PDZD2: variants seen among roughly 807,000 people sequenced by gnomAD.
PDZD2 encodes the protein PDZ domain-containing protein 2.
Under a neutral mutation model 220.7 loss-of-function variants are expected in PDZD2, and 90 were observed. That is an observed-to-expected ratio of 0.41 (90% CI 0.34 to 0.49). PDZD2 has a LOEUF of 0.49. PDZD2 is among the 20% of genes least tolerant of loss of function. PDZD2 has a pLI of 0.28. For missense variants in PDZD2, 3,174 were observed against 3,608.5 expected, an observed-to-expected ratio of 0.88 and a Z score of 3.08; for synonymous variants, 1,375 against 1,450.5, an observed-to-expected ratio of 0.95 and a Z score of 1.18.
At chr5:32,045,588 GTT>G in intron 7 of PDZD2, among the ~76,000 whole-genome samples, 1 of 140,082 alleles carries the variant, frequency 7.1e-6, no homozygotes, top group East Asian at 2.1e-4. Context: ...ACGCCCAGCT[GTT>G]TTTTTTTTTT....
At chr5:31,875,118 T>C (rs1251465724) in intron 2 of PDZD2, among the ~76,000 whole-genome samples, 1 of 152,236 alleles carries the variant, frequency 6.6e-6, no homozygotes. Context: ...GCCATGTCCA[T>C]GGAGTCATTC....
chr5:32,107,708 TAG>T (rs1169510244), intron 24 of PDZD2, among the ~76,000 whole-genome samples: 3 of 152,230 alleles, frequency 2.0e-5, no homozygotes, highest in African/African-American at 7.2e-5. Flanking sequence ...ATTAAATACA[TAG>T]AGAGTATCTT....
intron 1 of PDZD2, among the ~76,000 whole-genome samples, chr5:31,781,141 C>T (rs1172846246): frequency 2.0e-5 from 3 of 152,154 alleles, no homozygotes; most frequent in African/African-American, 7.2e-5. Flanking sequence ...AGGCTGAGCC[C>T]AGTGGCTCAC....
chr5:32,003,513 C>T (rs1418157763), intron 5 of PDZD2, among the ~76,000 whole-genome samples: 2 of 142,888 alleles, frequency 1.4e-5, no homozygotes, highest in African/African-American at 5.3e-5. Context: ...ACAAACACCA[C>T]ACATACACAC....
At chr5:31,698,333 C>T (rs1335421284) in intron 1 of PDZD2, among the ~76,000 whole-genome samples, 3 of 150,552 alleles carry the variant, frequency 2.0e-5, no homozygotes, top group Non-Finnish European at 4.4e-5. Flanking sequence ...CGGTGGCTCA[C>T]GCCTGTAATC....
Position 32,043,739 on chromosome 5 carries a change from C to T in PDZD2, c.1520-4800C>T, listed in dbSNP as rs186001427. ...GCCTCCCAGGTACAAGTGATTCTCGCGCCTCAGCCTCTTGAGTAGCTGAGA... is the reference window on the plus strand; with the variant it reads ...GCCTCCCAGGTACAAGTGATTCTCGTGCCTCAGCCTCTTGAGTAGCTGAGA... On this transcript the variant is annotated intron_variant, in intron 7 of 24. Transcript: ENST00000438447. Among the ~76,000 whole-genome samples the T allele has an allele frequency of 1.1e-3, 169 of 152,074 alleles. 2 individuals are homozygous for T. The East Asian group carries it at 0.019, about 18-fold the overall frequency.
intron 1 of PDZD2, among the ~76,000 whole-genome samples, chr5:31,796,911 TTTTG>T (rs1429646222): frequency 6.7e-6 from 1 of 150,212 alleles, no homozygotes; most frequent in Admixed American, 6.6e-5. Flanking sequence ...ACGGGGTTTT[TTTTG>T]TTTGTTTTTT....
chr5:31,983,714 T>C, intron 3 of PDZD2, 58 bp downstream of exon 3: 1 of 1,525,552 alleles, frequency 6.6e-7, no homozygotes, highest in Non-Finnish European at 8.9e-7. Flanking sequence ...GTTTGTTTGT[T>C]TTTGCAGCCC....
In PDZD2 at chr5:31,762,272, T is replaced by TTTG. The variant is rs549890419; in HGVS notation, c.-360-36593_-360-36591dup. 9.3e-3 allele frequency among the ~76,000 whole-genome samples: 1,420 copies of TTTG among 152,034 alleles called. 12 individuals are homozygous for TTTG. The highest frequency in any genetic ancestry group is 0.018 in the South Asian group (87 of 4,810). ...GCTGAGATACGGGCACTTGGTTTTG[T>TTTG]TTGTTGTTGTTGTTGTTGTTGTTGT... On this transcript the variant is annotated intron_variant, in intron 1 of 24. Transcript: ENST00000438447.
intron 18 of PDZD2, 45 bp downstream of exon 18, chr5:32,074,688 A>G (rs184853721): frequency 7.8e-7 from 1 of 1,285,478 alleles, no homozygotes; most frequent in East Asian, 2.4e-5. Context: ...GTGCATGAAT[A>G]TGTGTGAGTG....
intron 2 of PDZD2, among the ~76,000 whole-genome samples, chr5:31,851,699 C>T (rs1017273175): frequency 3.5e-4 from 54 of 152,150 alleles, no homozygotes; most frequent in Non-Finnish European, 8.8e-5. Context: ...ATGCTAAGCA[C>T]CCCTTTGTTT....
intron 2 of PDZD2, among the ~76,000 whole-genome samples, chr5:31,897,707 C>G (rs1741694394): frequency 6.6e-6 from 1 of 150,596 alleles, no homozygotes; most frequent in South Asian, 2.1e-4. Flanking sequence ...ATGAAACATG[C>G]AGATGATATA....
At chr5:31,940,812 C>T (rs750611955) in intron 2 of PDZD2, among the ~76,000 whole-genome samples, 5 of 152,144 alleles carry the variant, frequency 3.3e-5, no homozygotes, top group Admixed American at 6.5e-5. Context: ...CACCTGAGAC[C>T]GCAGGGGCAG....
At chr5:32,039,563 A>G (rs13359480) in intron 7 of PDZD2, among the ~76,000 whole-genome samples, 3,410 of 148,348 alleles carry the variant, frequency 0.023, 139 homozygotes, top group African/African-American at 0.081. Flanking sequence ...CTGCCTGGCC[A>G]CCCATCGTCT....
At chr5:31,744,898 G>A (rs1304631909) in intron 1 of PDZD2, among the ~76,000 whole-genome samples, 3 of 151,874 alleles carry the variant, frequency 2.0e-5, no homozygotes, top group South Asian at 2.1e-4. Flanking sequence ...GTGAAACCCC[G>A]CCTCTACTAA....
At chr5:32,094,347 A>G (rs1743446960) in intron 21 of PDZD2, among the ~76,000 whole-genome samples, 1 of 152,242 alleles carries the variant, frequency 6.6e-6, no homozygotes, top group African/African-American at 2.4e-5. Context: ...TAGAGATTTG[A>G]ACCCTAATGA....
chr5:31,677,149 G>T (rs1443081778), intron 1 of PDZD2, among the ~76,000 whole-genome samples: 2 of 152,168 alleles, frequency 1.3e-5, no homozygotes, highest in Non-Finnish European at 2.9e-5. Context: ...AGCTTTGAAA[G>T]CTTCAGTTGC....
At chr5:32,012,230 C>T (rs1321134605) in intron 6 of PDZD2, among the ~76,000 whole-genome samples, 2 of 152,110 alleles carry the variant, frequency 1.3e-5, no homozygotes, top group Non-Finnish European at 2.9e-5. Context: ...GACATCTCAG[C>T]CAGCTTTCAG....
chr5:31,840,056 G>A (rs535097411), intron 2 of PDZD2, among the ~76,000 whole-genome samples: 4 of 152,054 alleles, frequency 2.6e-5, no homozygotes, highest in African/African-American at 9.6e-5. Context: ...AGTAAACCCT[G>A]TATCTACCAA....
Sources: gnomAD v4.1 joint callset for allele counts (sites outside exome capture counted in the v4.1 genomes callset) on GRCh38, gnomAD v4.1.1 for gene constraint, MANE v1.5 for transcripts, NCBI Gene and HGNC (gene_info 2026-07-23, HGNC 2026-07-21) for gene names.